The following PXK variants were observed in gnomAD, a reference collection of about 807,000 sequenced individuals.
PXK encodes the protein PX domain containing serine/threonine kinase like.
A neutral mutation model predicts 84.7 loss-of-function variants in PXK; 35 were observed. That is an observed-to-expected ratio of 0.41 (90% CI 0.32 to 0.55). The LOEUF (loss-of-function observed/expected upper bound fraction) is 0.55, where lower values mean the gene tolerates loss of function less well. PXK is among the 20% of genes least tolerant of loss of function. The pLI, the probability that PXK is intolerant of heterozygous loss-of-function variation, is 0.21. For missense variants in PXK, 634 were observed against 699.7 expected (o/e 0.91, Z 1.06); for synonymous variants, 253 against 260.8 (o/e 0.97, Z 0.29).
At chr3:58,369,932 T>G (rs1336093319) in intron 3 of PXK, among the ~76,000 whole-genome samples, 1 of 152,162 alleles carries the variant, frequency 6.6e-6, no homozygotes, top group Non-Finnish European at 1.5e-5. Flanking sequence ...ACAGATGATG[T>G]AAAGTATTCC....
At chr3:58,391,695 T>C in intron 6 of PXK, 78 bp from the exon 7 acceptor site, 1 of 1,320,620 alleles carries the variant, frequency 7.6e-7, no homozygotes, top group Non-Finnish European at 1.1e-6. Context: ...TTTTGGATAA[T>C]AAAATTAAAG....
chr3:58,339,025 G>T (rs571178465), intron 1 of PXK, among the ~76,000 whole-genome samples: 3 of 152,096 alleles, frequency 2.0e-5, no homozygotes, highest in Non-Finnish European at 2.9e-5. Flanking sequence ...TATAAGAGCA[G>T]TTATTTTCTG....
rs148541643 is a variant in PXK, at chr3:58,339,778, C to T, written c.102+6688C>T. Among the ~76,000 whole-genome samples, 92 of 151,778 alleles carry T rather than the reference C, an allele frequency of 6.1e-4. 1 individual carries two copies. Among genetic ancestry groups the T allele is most frequent in the African/African-American group, 2.0e-3 (84 of 41,384 alleles). On this transcript the variant is annotated intron_variant, in intron 1 of 17. Coordinates refer to ENST00000356151, the MANE Select transcript of PXK (RefSeq NM_017771.5). ...GAGCCACCCATGGGTACTTAGCTTCCATATGGATTGTGATCTTGAGATTGT... is the reference window on the plus strand; with the variant it reads ...GAGCCACCCATGGGTACTTAGCTTCTATATGGATTGTGATCTTGAGATTGT...
intron 17 of PXK, among the ~76,000 whole-genome samples, chr3:58,417,817 C>T (rs1399671873): frequency 6.6e-6 from 1 of 152,186 alleles, no homozygotes; most frequent in Non-Finnish European, 1.5e-5. Flanking sequence ...TCCCACCCTC[C>T]TTTGGGATTA....
intron 1 of PXK, among the ~76,000 whole-genome samples, chr3:58,337,613 G>T (rs2097647268): frequency 6.6e-6 from 1 of 152,120 alleles, no homozygotes; most frequent in African/African-American, 2.4e-5. Context: ...GGGACTATAG[G>T]CATGCACCAC....
intron 3 of PXK, among the ~76,000 whole-genome samples, chr3:58,375,208 T>C (rs2098428367): frequency 6.6e-6 from 1 of 152,130 alleles, no homozygotes; most frequent in Non-Finnish European, 1.5e-5. Flanking sequence ...CCTTTCTGAG[T>C]GATGTGGACT....
At chr3:58,391,900 T>C (rs1461332872) in intron 7 of PXK, 53 bp downstream of exon 7, 2 of 1,492,530 alleles carry the variant, frequency 1.3e-6, no homozygotes, top group African/African-American at 2.8e-5. Flanking sequence ...GTCACAGTAT[T>C]TTTTCTGGGT....
rs1255295659 is a variant in PXK at position 58,409,875 on chromosome 3, G to C, written c.1396-215G>C. 1.3e-5 allele frequency among the ~76,000 whole-genome samples: 2 copies of C among 152,154 alleles called. No individual in the cohort carries two copies. The highest frequency in any genetic ancestry group is 4.8e-5 in the African/African-American group (2 of 41,430). The stretch of plus-strand genomic sequence containing the variant: ...GTAATGTAATTGGAGGAAACGATTG[G>C]CCTGAGATAGTAAAGTCAGCATTTT... On this transcript the variant is annotated intron_variant, in intron 15 of 17. Transcript: ENST00000356151. This position sits in a 1 kb window ranked among gnomAD's most constrained non-coding sequence, Gnocchi z 4.2.
intron 3 of PXK, among the ~76,000 whole-genome samples, chr3:58,380,171 C>T (rs988248798): frequency 6.6e-6 from 1 of 152,034 alleles, no homozygotes; most frequent in African/African-American, 2.4e-5. Context: ...GGACTGAGTG[C>T]TCACCATGAG....
At position 58,401,952 on chromosome 3, in the gene PXK, C is replaced by G. The variant is rs568893300; in HGVS notation, c.1182-1910C>G. On this transcript the variant is annotated intron_variant, in intron 12 of 17. Transcript: ENST00000356151. The surrounding 1 kb of genome is among the most constrained non-coding windows in gnomAD (Gnocchi z 4.4). The stretch of plus-strand genomic sequence containing the variant: ...GGCGCAGGATATTCAGCCAGGCATA[C>G]TGGCACATGCCTGTAGTTCCAGCTA... 3.0e-4 allele frequency among the ~76,000 whole-genome samples: 46 copies of G among 152,186 alleles called. No homozygotes were observed. The highest frequency in any genetic ancestry group is 2.9e-3 in the Admixed American group (45 of 15,278).
intron 1 of PXK, among the ~76,000 whole-genome samples, chr3:58,356,148 A>C (rs1396064542): frequency 6.6e-6 from 1 of 152,194 alleles, no homozygotes; most frequent in Non-Finnish European, 1.5e-5. Flanking sequence ...CCAGTTTGAA[A>C]AACTTCAGCA....
intron 4 of PXK, 70 bp downstream of exon 4, chr3:58,382,770 AT>A: frequency 8.5e-7 from 1 of 1,169,698 alleles, no homozygotes; most frequent in Non-Finnish European, 1.2e-6. Flanking sequence ...GAGATAACGT[AT>A]GTGGGAGAAA....
In PXK at chr3:58,408,904, G is replaced by A. The variant is rs2059781825; in HGVS notation, c.1231-20G>A. 2 of 1,521,682 alleles carry A rather than the reference G, an allele frequency of 1.3e-6. No homozygotes were observed. Among genetic ancestry groups the A allele is most frequent in the South Asian group, 1.1e-5 (1 of 88,966 alleles). 94.3% of individuals were successfully genotyped at this position (1,521,682 alleles called of 1,614,324 possible). Reference sequence around the variant, plus strand: ...CCAGCCACCTTTTTCAATAGATGATGTACTTTTCTCTCCTTTCAGATCCCT... The same window carrying A: ...CCAGCCACCTTTTTCAATAGATGATATACTTTTCTCTCCTTTCAGATCCCT... On this transcript the variant is annotated intron_variant, in intron 13 of 17. Coordinates refer to ENST00000356151, the MANE Select transcript of PXK (RefSeq NM_017771.5).
chr3:58,393,820 A>G (rs903749009), intron 7 of PXK, among the ~76,000 whole-genome samples: 1 of 152,182 alleles, frequency 6.6e-6, no homozygotes, highest in Non-Finnish European at 1.5e-5. Context: ...TTCTAACTCT[A>G]TTATTCCTTC....
At chr3:58,395,521 A>G in intron 8 of PXK, 137 bp from the exon 9 acceptor site, 1 of 660,346 alleles carries the variant, frequency 1.5e-6, no homozygotes, top group Admixed American at 2.8e-5. Flanking sequence ...AGACTGTCGT[A>G]TTTTAAAAAC....
chr3:58,399,998 C>G lies in PXK; in HGVS notation c.1181+621C>G, dbSNP rs559340556. On this transcript the variant is annotated intron_variant, in intron 12 of 17. Transcript: ENST00000356151. This position sits in a 1 kb window ranked among gnomAD's most constrained non-coding sequence, Gnocchi z 4.3. ...TGCTGTGGGGCCTTCCCTTCAGGTG[C>G]ATTTTCTGTTCTTTCATGGAAAGGC... 1.6e-4 allele frequency among the ~76,000 whole-genome samples: 25 copies of G among 152,174 alleles called. No individual in the cohort carries two copies. The highest frequency in any genetic ancestry group is 3.5e-4 in the Non-Finnish European group (24 of 67,998).
intron 1 of PXK, among the ~76,000 whole-genome samples, chr3:58,339,311 A>G (rs1202742746): frequency 1.3e-5 from 2 of 151,124 alleles, no homozygotes; most frequent in Admixed American, 1.3e-4. Context: ...GCTCACTGCA[A>G]TCTCCGCCTC....
Position 58,426,096 on chromosome 3 carries a change from A to G in PXK, c.*1136A>G, listed in dbSNP as rs1357968300. On this transcript the variant is annotated 3_prime_UTR_variant, in exon 18 of 18. Coordinates refer to ENST00000356151, the MANE Select transcript of PXK (RefSeq NM_017771.5). The stretch of plus-strand genomic sequence containing the variant: ...AGCGTCTGTTGTTAGCAAAGAATAG[A>G]TTCACACAGTCTAAGGTTTCCTTCC... 1 of 152,190 alleles carries G rather than the reference A, an allele frequency of 6.6e-6. No individual in the cohort carries two copies. The highest frequency in any genetic ancestry group is 2.4e-5 in the African/African-American group (1 of 41,442). 9.4% of individuals were successfully genotyped at this position (152,190 alleles called of 1,614,324 possible).
chr3:58,348,420 G>A (rs1301437440), intron 1 of PXK, among the ~76,000 whole-genome samples: 1 of 152,160 alleles, frequency 6.6e-6, no homozygotes, highest in Admixed American at 6.5e-5. Context: ...GCATAGGGAT[G>A]GAGTTAATTC....
Sources: allele counts gnomAD v4.1 joint callset (sites outside exome capture counted in the v4.1 genomes callset), GRCh38; gene constraint gnomAD v4.1.1; non-coding constraint Gnocchi (gnomAD v3.1); transcripts MANE v1.5; gene names NCBI Gene and HGNC (gene_info 2026-07-23, HGNC 2026-07-21).